Variants in SPATA9 observed in about 807,000 individuals in gnomAD.
The protein encoded by SPATA9 is spermatogenesis associated 9, also known as spermatogenesis-associated protein 9.
A neutral mutation model predicts 25.5 loss-of-function variants in SPATA9; 27 were observed. The observed-to-expected ratio is 1.06, with a 90% CI of 0.78 to 1.46. SPATA9 has a LOEUF of 1.46. Among genes scored for constraint, SPATA9 ranks in the 40% most tolerant of loss-of-function variants. SPATA9 has a pLI of 0.00. For missense variants in SPATA9, 282 were observed against 297.5 expected (o/e 0.95, Z 0.38); for synonymous variants, 102 against 105.7 (o/e 0.97, Z 0.21).
chr5:95,690,590 C>T (rs4470783), intron 1 of SPATA9, among the ~76,000 whole-genome samples: 31,785 of 152,048 alleles, frequency 0.21, 3,908 homozygotes, highest in African/African-American at 0.35. Flanking sequence ...CAGGCCATCA[C>T]CATGCTAATC....
exon 9 of SPATA9, chr5:95,653,099 T>A: frequency 6.4e-7 from 1 of 1,551,380 alleles, no homozygotes; most frequent in Non-Finnish European, 8.7e-7. Context: ...CAGGCTTTTG[T>A]ATTTGCTCTT....
At chr5:95,688,491 G>A (rs763907800) in intron 1 of SPATA9, among the ~76,000 whole-genome samples, 1 of 152,128 alleles carries the variant, frequency 6.6e-6, no homozygotes, top group East Asian at 1.9e-4. Context: ...ACCTCAAGCA[G>A]TCCTCCCACC....
upstream of SPATA9, among the ~76,000 whole-genome samples, chr5:95,686,195 G>T (rs1172680593): frequency 6.6e-6 from 1 of 152,124 alleles, no homozygotes; most frequent in East Asian, 1.9e-4. Flanking sequence ...GGGCTATTCT[G>T]AATAGTATAG....
intron 3 of SPATA9, among the ~76,000 whole-genome samples, chr5:95,671,331 C>T (rs1282904533): frequency 2.6e-5 from 4 of 152,218 alleles, no homozygotes; most frequent in Non-Finnish European, 5.9e-5. Context: ...CTGTGAGCCC[C>T]ACAGTCCATA....
chr5:95,681,671 G>A (rs903919991), intron 2 of SPATA9, among the ~76,000 whole-genome samples: 4 of 152,176 alleles, frequency 2.6e-5, no homozygotes, highest in East Asian at 3.8e-4. Flanking sequence ...AATGTCTGAT[G>A]GCTGGTTGTC....
chr5:95,715,520 A>G, the SPATA9 span, among the ~76,000 whole-genome samples: 1 of 152,248 alleles, frequency 6.6e-6, no homozygotes, highest in Non-Finnish European at 1.5e-5. Context: ...AATGAAATTC[A>G]AACAATAGAA....
At chr5:95,730,871 T>A in the SPATA9 span, 1 of 455,868 alleles carries the variant, frequency 2.2e-6, no homozygotes. Context: ...TAGCGCATGT[T>A]GACAAATGAG....
chr5:95,715,090 C>T, the SPATA9 span, among the ~76,000 whole-genome samples: 1 of 152,012 alleles, frequency 6.6e-6, no homozygotes, highest in Non-Finnish European at 1.5e-5. Flanking sequence ...CTTTGGGAGG[C>T]CAAGGCGGGC....
intron 3 of SPATA9, 51 bp downstream of exon 3, chr5:95,675,361 T>A: frequency 6.7e-7 from 1 of 1,494,408 alleles, no homozygotes; most frequent in Non-Finnish European, 9.1e-7. Context: ...GTTTTGCAAA[T>A]TTAAAAGTTT....
chr5:95,695,446 AAG>A (rs1461520782), intron 1 of SPATA9, among the ~76,000 whole-genome samples: 1 of 28,704 alleles, frequency 3.5e-5, no homozygotes, highest in Non-Finnish European at 7.0e-5. Context: ...ACAAATACAA[AAG>A]TTAGCTGGGC....
chr5:95,682,614 C>T lies in SPATA9; in HGVS notation c.64G>A (p.Glu22Lys), dbSNP rs1233278578. 3.7e-6 allele frequency: 6 copies of T among 1,609,480 alleles called. No individual in the cohort carries two copies. Among genetic ancestry groups the T allele is most frequent in the South Asian group, 2.2e-5 (2 of 89,640 alleles). The change falls in exon 2 of 5, where the codon GAG becomes AAG. Residue 22 changes from glutamate to lysine, a missense_variant and splice_region_variant. Physicochemically the swap from Glu to Lys is moderately conservative, Grantham distance 56. Coordinates refer to ENST00000274432, the MANE Select transcript of SPATA9 (RefSeq NM_031952.4). ...TCCATGATTGCTTTCTGGATCCCCT[C>T]GACTAAGACAAAAAGAGGTTAGGAA... ...QVLKNFSGRI[E>K]GIQKAIMDLV...
upstream of SPATA9, among the ~76,000 whole-genome samples, chr5:95,684,948 C>G (rs1485963358): frequency 6.6e-6 from 1 of 152,106 alleles, no homozygotes; most frequent in Admixed American, 6.6e-5. Context: ...TACAGAAGAA[C>G]AGAACTTTTG....
intron 3 of SPATA9, among the ~76,000 whole-genome samples, chr5:95,671,900 CTT>C (rs1752415005): frequency 7.3e-6 from 1 of 137,354 alleles, no homozygotes; most frequent in Non-Finnish European, 1.5e-5. Context: ...TACCCTAAAA[CTT>C]AAAGTATAAT....
chr5:95,679,188 TG>T (rs1316299708), intron 2 of SPATA9, among the ~76,000 whole-genome samples: 5 of 152,174 alleles, frequency 3.3e-5, no homozygotes, highest in Non-Finnish European at 1.5e-5. Flanking sequence ...ATTTCAGCAA[TG>T]GTGGGAGAAT....
the SPATA9 span, among the ~76,000 whole-genome samples, chr5:95,703,722 A>C: frequency 1.3e-5 from 2 of 152,204 alleles, no homozygotes; most frequent in Admixed American, 1.3e-4. Context: ...GGAAATGTAC[A>C]TATCAAGTGA....
downstream of SPATA9, chr5:95,652,407 A>G: frequency 6.6e-7 from 1 of 1,511,994 alleles, no homozygotes; most frequent in Non-Finnish European, 8.9e-7. Flanking sequence ...AGTCTCATAT[A>G]TCTGGTTGTT....
intron 8 of SPATA9, chr5:95,653,291 A>C: frequency 6.5e-7 from 1 of 1,537,880 alleles, no homozygotes; most frequent in Non-Finnish European, 8.8e-7. Context: ...TGTAAGAGCC[A>C]ACTGTGTACT....
At chr5:95,723,611 C>CACAA in the SPATA9 span, among the ~76,000 whole-genome samples, 2 of 152,154 alleles carry the variant, frequency 1.3e-5, no homozygotes. Flanking sequence ...AATTTGCACA[C>CACAA]TTTATCTCCC....
chr5:95,658,988 A>T lies in SPATA9; in HGVS notation c.475-75T>A, dbSNP rs1011276037. ...ACCACAGATTAAAAACATACAATAT[A>T]GTGTTCCACATAAAGTCATTTAATC... On this transcript the variant is annotated intron_variant, in intron 4 of 4. Transcript: ENST00000274432. 2.7e-6 allele frequency: 4 copies of T among 1,502,486 alleles called. No homozygotes were observed. In the African/African-American group the frequency reaches 4.2e-5, roughly 16 times the overall value. The allele number at this position is 1,502,486 out of a possible 1,614,324, so 93.1% of individuals were successfully genotyped here. A position where few individuals can be genotyped will look rare whatever the true frequency, so the allele number is the denominator to read the frequency against.
Sources: allele counts gnomAD v4.1 joint callset (sites outside exome capture counted in the v4.1 genomes callset), GRCh38; gene constraint gnomAD v4.1.1; transcripts MANE v1.5; gene names NCBI Gene and HGNC (gene_info 2026-07-23, HGNC 2026-07-21).